Variants in CFLAR observed in about 807,000 individuals in gnomAD.
CFLAR encodes the protein CASP8 and FADD like apoptosis regulator.
In CFLAR, 14 loss-of-function variants were observed where a neutral mutation model predicts 51.1. The ratio of observed to expected loss-of-function variants is 0.27; its 90% CI spans 0.18 to 0.43. The LOEUF is 0.43. Ranked by LOEUF, CFLAR falls within the 20% of genes least tolerant of loss-of-function variation. CFLAR has a pLI of 1.00. For synonymous variants in CFLAR, 210 were observed against 211.6 expected (o/e 0.99, Z 0.06); for missense variants, 390 against 566.5 (o/e 0.69, Z 3.16).
At chr2:201,119,413 G>C (rs1343862559) in intron 1 of CFLAR, among the ~76,000 whole-genome samples, 2 of 152,142 alleles carry the variant, frequency 1.3e-5, no homozygotes, top group African/African-American at 4.8e-5. Context: ...AAGCCTGTGG[G>C]CCATGGTGGG....
intron 4 of CFLAR, chr2:201,139,998 C>T: frequency 1.0e-5 from 3 of 293,338 alleles, no homozygotes; most frequent in Non-Finnish European, 1.4e-5. Flanking sequence ...ACCACGTAGC[C>T]GGTGCTGCTG....
intron 8 of CFLAR, among the ~76,000 whole-genome samples, chr2:201,160,210 G>A (rs1418368519): frequency 6.6e-6 from 1 of 152,146 alleles, no homozygotes; most frequent in Non-Finnish European, 1.5e-5. Context: ...AGGAACAGTG[G>A]TATAGCAGGG....
chr2:201,135,672 C>A (rs73045306), intron 3 of CFLAR, among the ~76,000 whole-genome samples: 85 of 151,952 alleles, frequency 5.6e-4, no homozygotes, highest in Middle Eastern at 6.8e-3. Flanking sequence ...CTCTGCTGCC[C>A]AGGCTGGAGT....
intron 9 of CFLAR, chr2:201,163,473 G>A: frequency 9.0e-7 from 1 of 1,113,792 alleles, no homozygotes; most frequent in African/African-American, 1.6e-5. Context: ...CCTTAGTGGT[G>A]GCCCAGCAGG....
intron 1 of CFLAR, among the ~76,000 whole-genome samples, chr2:201,125,903 C>CT (rs1017462603): frequency 5.9e-5 from 9 of 152,110 alleles, no homozygotes; most frequent in African/African-American, 1.9e-4. Context: ...GAGCGATCAA[C>CT]CATCCCTGTT....
intron 2 of CFLAR, among the ~76,000 whole-genome samples, chr2:201,130,621 T>C (rs533105007): frequency 2.2e-4 from 34 of 152,146 alleles, no homozygotes; most frequent in African/African-American, 7.7e-4. Flanking sequence ...CTGCCTTGGC[T>C]TCCCAAAATG....
intron 9 of CFLAR, chr2:201,163,505 C>A (rs1343034993): frequency 1.8e-6 from 2 of 1,134,978 alleles, no homozygotes; most frequent in African/African-American, 3.2e-5. Flanking sequence ...AGAGCAGGAG[C>A]CACTCAGCCT....
chr2:201,129,425 T>C, intron 1 of CFLAR: 1 of 241,978 alleles, frequency 4.1e-6, no homozygotes, highest in Non-Finnish European at 7.8e-6. Context: ...TAGTTGTAAT[T>C]TTCCCTGAAC....
intron 8 of CFLAR, among the ~76,000 whole-genome samples, chr2:201,158,791 G>A (rs1213536705): frequency 1.3e-5 from 2 of 151,802 alleles, no homozygotes; most frequent in African/African-American, 2.4e-5. Context: ...CAAAAAGGCT[G>A]TGCAAAATTA....
At chr2:201,137,457 T>A in intron 4 of CFLAR, 1 of 522,768 alleles carries the variant, frequency 1.9e-6, no homozygotes, top group African/African-American at 1.9e-5. Flanking sequence ...AGGGAGGCTG[T>A]GCCTGAAGGT....
At chr2:201,117,564 G>A (rs1349278469) in intron 1 of CFLAR, among the ~76,000 whole-genome samples, 2 of 152,134 alleles carry the variant, frequency 1.3e-5, no homozygotes, top group Non-Finnish European at 2.9e-5. Context: ...CATAAGTAAA[G>A]CTTTTTGGAC....
intron 1 of CFLAR, among the ~76,000 whole-genome samples, chr2:201,125,843 A>G (rs768173875): frequency 1.9e-4 from 29 of 151,984 alleles, no homozygotes; most frequent in African/African-American, 6.8e-4. Flanking sequence ...GGAACTTGCT[A>G]CTGGAGGTGT....
At chr2:201,154,734 A>T (rs1440014411) in intron 8 of CFLAR, among the ~76,000 whole-genome samples, 1 of 152,216 alleles carries the variant, frequency 6.6e-6, no homozygotes, top group Non-Finnish European at 1.5e-5. Flanking sequence ...TCCTCAAAAA[A>T]CCAGACTTTT....
intron 9 of CFLAR, among the ~76,000 whole-genome samples, chr2:201,161,318 T>C (rs886072179): frequency 6.6e-6 from 1 of 152,042 alleles, no homozygotes; most frequent in East Asian, 1.9e-4. Context: ...CTGCAGTGAG[T>C]CGTGATTGCA....
In CFLAR at chr2:201,174,123, A is replaced by G. The variant is rs933457143; in HGVS notation, c.*10150A>G. ...TATACAGTACAAGTTTTAAATTTTG[A>G]TGAAGTTCACTTGATTTCTGTTTTT... On this transcript the variant is annotated 3_prime_UTR_variant, in exon 10 of 10. Transcript: ENST00000309955. 6.6e-6 allele frequency: 1 copy of G among 152,142 alleles called. No individual in the cohort carries two copies. Among genetic ancestry groups the G allele is most frequent in the African/African-American group, 2.4e-5 (1 of 41,434 alleles). The allele number at this position is 152,142 out of a possible 1,614,324, so 9.4% of individuals were successfully genotyped here.
In CFLAR at chr2:201,176,379, T is replaced by C. The variant is rs557089915; in HGVS notation, c.*12406T>C. On this transcript the variant is annotated 3_prime_UTR_variant, in exon 10 of 10. Coordinates refer to ENST00000309955, the MANE Select transcript of CFLAR (RefSeq NM_003879.7). ...TAACAACCGCCTGACCATCACCTGA[T>C]GGTTGCCCAACACTCTTGGTGTGTG... 1.3e-5 allele frequency: 2 copies of C among 151,568 alleles called. No homozygotes were observed. Among genetic ancestry groups the C allele is most frequent in the Admixed American group, 6.6e-5 (1 of 15,216 alleles). The allele number at this position is 151,568 out of a possible 1,614,324, so 9.4% of individuals were successfully genotyped here.
chr2:201,166,884 G>A lies in CFLAR; in HGVS notation c.*2911G>A, dbSNP rs979557835. 9.2e-5 allele frequency: 14 copies of A among 152,448 alleles called. No homozygotes were observed. Among genetic ancestry groups the A allele is most frequent in the Non-Finnish European group, 2.0e-4 (14 of 68,900 alleles). 9.4% of individuals were successfully genotyped at this position (152,448 alleles called of 1,614,324 possible). ...AGGCCGAGGCGGGAGAATCAGGCAG[G>A]GAGGCTGCAGTGAGCCGAGATGGCA... On this transcript the variant is annotated 3_prime_UTR_variant, in exon 10 of 10. Coordinates refer to ENST00000309955, the MANE Select transcript of CFLAR (RefSeq NM_003879.7).
In CFLAR at chr2:201,118,326, C is replaced by T. The variant is rs2047818246; in HGVS notation, c.-138+1845C>T. ...TGCAGGGTCGCTGGGTTTCCCCCTC[C>T]CCCCGAAAGTCTTGCGCGACCCGGG... On this transcript the variant is annotated intron_variant, in intron 1 of 9. Transcript: ENST00000309955. This position sits in a 1 kb window ranked among gnomAD's most constrained non-coding sequence, Gnocchi z 5.1. Among the ~76,000 whole-genome samples, 1 of 152,184 alleles carries T rather than the reference C, an allele frequency of 6.6e-6. No homozygotes were observed. The highest frequency in any genetic ancestry group is 1.5e-5 in the Non-Finnish European group (1 of 68,030).
intron 1 of CFLAR, among the ~76,000 whole-genome samples, chr2:201,123,023 GCTGAGCAAGTATAC>G (rs545914222): frequency 3.0e-4 from 46 of 152,300 alleles, no homozygotes; most frequent in African/African-American, 1.1e-3. Context: ...CGTTGTGTAA[GCTGAGCAAGTATAC>G]CTGCCAAAGT....
Sources: allele counts gnomAD v4.1 joint callset (sites outside exome capture counted in the v4.1 genomes callset), GRCh38; gene constraint gnomAD v4.1.1; non-coding constraint Gnocchi (gnomAD v3.1); transcripts MANE v1.5; gene names NCBI Gene and HGNC (gene_info 2026-07-23, HGNC 2026-07-21).